ERICH1: variants seen among roughly 807,000 people sequenced by gnomAD.
The protein encoded by ERICH1 is glutamate rich 1.
A neutral mutation model predicts 39.6 loss-of-function variants in ERICH1; 56 were observed. The observed-to-expected ratio is 1.41, with a 90% CI of 1.14 to 1.77. The LOEUF is 1.77. Among genes scored for constraint, ERICH1 ranks in the 40% most tolerant of loss-of-function variants. The pLI, the probability that ERICH1 is intolerant of heterozygous loss-of-function variation, is 0.00. For synonymous variants in ERICH1, 313 were observed against 223.6 expected, an observed-to-expected ratio of 1.40 and a Z score of -3.57; for missense variants, 826 against 575.4, an observed-to-expected ratio of 1.44 and a Z score of -4.45.
chr8:658,865 A>C (rs1430933743), intron 3 of ERICH1, among the ~76,000 whole-genome samples: 1 of 152,092 alleles, frequency 6.6e-6, no homozygotes, highest in Non-Finnish European at 1.5e-5. Context: ...GCTCCTCCCC[A>C]ATTCCTCCCT....
intron 3 of ERICH1, among the ~76,000 whole-genome samples, chr8:636,381 C>G (rs1258497310): frequency 6.6e-6 from 1 of 152,246 alleles, no homozygotes; most frequent in Admixed American, 6.5e-5. Context: ...GACTGTCCTT[C>G]TGGTCACGGG....
At chr8:631,145 A>T (rs968234429) in intron 3 of ERICH1, among the ~76,000 whole-genome samples, 2 of 152,252 alleles carry the variant, frequency 1.3e-5, no homozygotes, top group African/African-American at 4.8e-5. Flanking sequence ...GGCAGAGGTG[A>T]CTCACAGCCT....
intron 2 of ERICH1, among the ~76,000 whole-genome samples, chr8:702,255 T>C (rs939414987): frequency 6.6e-5 from 10 of 152,176 alleles, no homozygotes; most frequent in African/African-American, 1.2e-4. Context: ...GTAGCGTGCA[T>C]TGAATAAGAA....
At chr8:654,172 C>A (rs1800323101) in intron 3 of ERICH1, among the ~76,000 whole-genome samples, 1 of 152,216 alleles carries the variant, frequency 6.6e-6, no homozygotes, top group African/African-American at 2.4e-5. Context: ...GACTTTGCCT[C>A]AAAAGCCCCA....
intron 3 of ERICH1, among the ~76,000 whole-genome samples, chr8:622,783 T>C (rs1258295568): frequency 6.6e-6 from 1 of 151,784 alleles, no homozygotes; most frequent in Non-Finnish European, 1.5e-5. Context: ...TGAGACCGTG[T>C]CTCTATAAAA....
intron 3 of ERICH1, among the ~76,000 whole-genome samples, chr8:657,188 G>A (rs1563196132): frequency 6.6e-6 from 1 of 152,214 alleles, no homozygotes; most frequent in Non-Finnish European, 1.5e-5. Flanking sequence ...ACGAAAAGCA[G>A]CTCAACAGTC....
intron 3 of ERICH1, among the ~76,000 whole-genome samples, chr8:646,978 C>A (rs11991053): frequency 0.67 from 45,223 of 67,802 alleles, 21,275 homozygotes; most frequent in East Asian, 0.81. Flanking sequence ...CCTACCAAGC[C>A]CTCCACATTC....
chr8:695,575 C>T (rs1205171227), intron 2 of ERICH1, among the ~76,000 whole-genome samples: 2 of 77,890 alleles, frequency 2.6e-5, no homozygotes, highest in African/African-American at 5.1e-5. Flanking sequence ...CATCAGCCTG[C>T]GCCTGTGCTG....
chr8:708,829 G>C (rs938774899), intron 2 of ERICH1, among the ~76,000 whole-genome samples: 7 of 151,414 alleles, frequency 4.6e-5, no homozygotes, highest in Admixed American at 4.6e-4. Flanking sequence ...GAGTAGCTGC[G>C]ATATAGGTGT....
intron 3 of ERICH1, chr8:616,402 G>C (rs1474001909): frequency 2.6e-6 from 1 of 379,042 alleles, no homozygotes; most frequent in African/African-American, 2.1e-5. Context: ...CTCCTGCCAC[G>C]TGTGTGAGGC....
intron 2 of ERICH1, among the ~76,000 whole-genome samples, chr8:708,970 C>G (rs944830913): frequency 6.6e-6 from 1 of 151,984 alleles, no homozygotes; most frequent in Non-Finnish European, 1.5e-5. Flanking sequence ...GCTGTGATAA[C>G]AGGGTGAGCC....
chr8:665,746 A>G (rs1443277755), intron 5 of ERICH1, among the ~76,000 whole-genome samples: 1 of 152,216 alleles, frequency 6.6e-6, no homozygotes, highest in East Asian at 1.9e-4. Context: ...CTGGCATCGC[A>G]GCTGAATGCA....
At chr8:719,380 T>C (rs1816770849) in intron 1 of ERICH1, among the ~76,000 whole-genome samples, 1 of 152,200 alleles carries the variant, frequency 6.6e-6, no homozygotes, top group Admixed American at 6.5e-5. Context: ...GTAACTTGGG[T>C]CCAGTGTTCT....
chr8:699,692 C>A (rs1299411148), intron 2 of ERICH1, among the ~76,000 whole-genome samples: 2 of 149,868 alleles, frequency 1.3e-5, no homozygotes, highest in Non-Finnish European at 1.5e-5. Context: ...TGCACAGACT[C>A]ACACAGGCGC....
chr8:682,602 T>C (rs998865821), intron 3 of ERICH1, among the ~76,000 whole-genome samples: 2 of 152,218 alleles, frequency 1.3e-5, no homozygotes, highest in Non-Finnish European at 2.9e-5. Context: ...GGCCGGGCTA[T>C]TTATAATTGG....
intron 2 of ERICH1, among the ~76,000 whole-genome samples, chr8:699,820 AGCGCACAGACCCGCACAG>A (rs1811367160): frequency 3.4e-5 from 2 of 58,984 alleles, no homozygotes; most frequent in African/African-American, 7.0e-5. Context: ...GATCCGCACA[AGCGCACAGACCCGCACAG>A]GCGCACAGAC....
chr8:616,486 C>T (rs906473709), intron 3 of ERICH1: 53 of 455,366 alleles, frequency 1.2e-4, no homozygotes, highest in Admixed American at 5.6e-4. Flanking sequence ...CAGACAGGTA[C>T]GGCCAGAGCA....
At chr8:621,243 G>T (rs537877376) in intron 3 of ERICH1, among the ~76,000 whole-genome samples, 11 of 152,124 alleles carry the variant, frequency 7.2e-5, no homozygotes, top group Non-Finnish European at 1.2e-4. Flanking sequence ...AGCACATCAT[G>T]CCAATATTTA....
intron 2 of ERICH1, among the ~76,000 whole-genome samples, chr8:697,842 G>GTGTGGGGTGAC (rs1810706122): frequency 6.6e-6 from 1 of 152,244 alleles, no homozygotes; most frequent in Non-Finnish European, 1.5e-5. Context: ...TGCGTGATAG[G>GTGTGGGGTGAC]TGTGGGGTGA....
Sources: gnomAD v4.1 joint callset for allele counts (sites outside exome capture counted in the v4.1 genomes callset) on GRCh38, gnomAD v4.1.1 for gene constraint, MANE v1.5 for transcripts, NCBI Gene and HGNC (gene_info 2026-07-23, HGNC 2026-07-21) for gene names.